Variants in MOXD1 observed in about 807,000 individuals in gnomAD.
The protein encoded by MOXD1 is DBH-like monooxygenase protein 1.
A neutral mutation model predicts 66.6 loss-of-function variants in MOXD1; 62 were observed. The ratio of observed to expected loss-of-function variants is 0.93; its 90% confidence interval spans 0.76 to 1.15. The LOEUF is 1.15. Among genes scored for constraint, MOXD1 ranks in the 50% most tolerant of loss-of-function variants. The pLI, the probability that MOXD1 is intolerant of heterozygous loss-of-function variation, is 0.00. For synonymous variants in MOXD1, 303 were observed against 281.9 expected (o/e 1.07, Z -0.75); for missense variants, 847 against 754.6 (o/e 1.12, Z -1.44).
intron 1 of MOXD1, among the ~76,000 whole-genome samples, chr6:132,386,457 C>G (rs200957234): frequency 7.5e-6 from 1 of 133,054 alleles, no homozygotes; most frequent in African/African-American, 3.0e-5. Flanking sequence ...AAAAAAAAAA[C>G]GGGAAAAGAG....
At chr6:132,314,003 T>C (rs911389560) in intron 10 of MOXD1, among the ~76,000 whole-genome samples, 1 of 152,222 alleles carries the variant, frequency 6.6e-6, no homozygotes, top group African/African-American at 2.4e-5. Context: ...TCATTTTGAA[T>C]AGTAGTGATC....
intron 4 of MOXD1, among the ~76,000 whole-genome samples, chr6:132,346,650 T>G (rs1775674274): frequency 6.6e-6 from 1 of 152,216 alleles, no homozygotes; most frequent in Admixed American, 6.5e-5. Flanking sequence ...TTATGATAAG[T>G]GGTCTCTAAG....
chr6:132,375,003 G>C, intron 1 of MOXD1: 1 of 573,912 alleles, frequency 1.7e-6, no homozygotes, highest in South Asian at 2.4e-5. Flanking sequence ...TAATATCGTA[G>C]AGCATCAAGA....
chr6:132,384,229 CCTCCCTCCCTCT>C (rs1776569597), intron 1 of MOXD1, among the ~76,000 whole-genome samples: 1 of 125,048 alleles, frequency 8.0e-6, no homozygotes, highest in Non-Finnish European at 1.7e-5. Context: ...CTCCTTCCTT[CCTCCCTCCCTCT>C]CTTCCTTCCT....
At position 132,315,774 on chromosome 6, in the gene MOXD1, C is replaced by T. The variant is rs978371892; in HGVS notation, c.1369G>A (p.Gly457Arg). Residue 457 changes from glycine to arginine, a missense_variant, in exon 10 of 12, where the codon GGA becomes AGA. By Grantham distance (125) the Gly-to-Arg change is moderately radical. Transcript: ENST00000367963. ...TKDRAEMTWGGLSTRSEMCLS... is the reference protein window; with the variant it reads ...TKDRAEMTWGRLSTRSEMCLS... ...CACATTTCACTCCTGGTGCTTAGTC[C>T]TCCCTGAAAACAGATAGTTTATTTA... The T allele has an allele frequency of 1.2e-6, 2 of 1,613,060 alleles. No homozygotes were observed. The highest frequency in any genetic ancestry group is 1.7e-6 in the Non-Finnish European group (2 of 1,179,474).
chr6:132,377,792 T>G (rs995938282), intron 1 of MOXD1, among the ~76,000 whole-genome samples: 1 of 152,152 alleles, frequency 6.6e-6, no homozygotes, highest in African/African-American at 2.4e-5. Flanking sequence ...GAAATAAAAT[T>G]TAAATATGAA....
intron 4 of MOXD1, among the ~76,000 whole-genome samples, chr6:132,340,210 A>T (rs1775523289): frequency 6.6e-6 from 1 of 151,826 alleles, no homozygotes; most frequent in African/African-American, 2.4e-5. Context: ...AATATCATGA[A>T]CCTCTAGGCT....
intron 1 of MOXD1, among the ~76,000 whole-genome samples, chr6:132,393,547 C>T (rs1033006874): frequency 6.6e-6 from 1 of 152,166 alleles, no homozygotes; most frequent in Non-Finnish European, 1.5e-5. Flanking sequence ...TTCTACAATG[C>T]TAGCCATAGG....
intron 4 of MOXD1, among the ~76,000 whole-genome samples, chr6:132,359,048 C>T (rs1396505367): frequency 1.3e-5 from 2 of 152,050 alleles, no homozygotes; most frequent in African/African-American, 4.8e-5. Context: ...AAGTCACTGG[C>T]TCTAGGGAAG....
chr6:132,361,390 T>C (rs1171863038), intron 4 of MOXD1, among the ~76,000 whole-genome samples: 1 of 152,054 alleles, frequency 6.6e-6, no homozygotes, highest in Admixed American at 6.6e-5. Context: ...TTAACTCTTC[T>C]TCATGTGCAT....
At chr6:132,339,681 C>G (rs1457347500) in intron 4 of MOXD1, among the ~76,000 whole-genome samples, 1 of 152,154 alleles carries the variant, frequency 6.6e-6, no homozygotes, top group Non-Finnish European at 1.5e-5. Flanking sequence ...TGAAATTGAT[C>G]CAATCACAAG....
chr6:132,346,439 G>A (rs1323967441), intron 4 of MOXD1, among the ~76,000 whole-genome samples: 1 of 151,878 alleles, frequency 6.6e-6, no homozygotes, highest in Non-Finnish European at 1.5e-5. Context: ...TTTTCTAGCA[G>A]CAGGGGAATA....
Position 132,372,611 on chromosome 6 carries a change from T to G in MOXD1, c.660A>C (p.Ile220=). ...AGCCTATGAATGAGTCACATACCTT[T>G]ATTACATGATGCTTTTCTTGGAACA... ...IPVFQEKHHV[I]KVEPVIQRGH... Residue 220 remains isoleucine (I), a synonymous_variant, in exon 4 of 12, where the codon ATA becomes ATC. Coordinates refer to ENST00000367963, the MANE Select transcript of MOXD1 (RefSeq NM_015529.4). The G allele has an allele frequency of 6.2e-7, 1 of 1,610,832 alleles. No individual in the cohort carries two copies. The highest frequency in any genetic ancestry group is 8.5e-7 in the Non-Finnish European group (1 of 1,177,008).
chr6:132,391,186 A>G (rs1776752574), intron 1 of MOXD1: 1 of 151,144 alleles, frequency 6.6e-6, no homozygotes. Context: ...TGAGCTCTTA[A>G]GAGGCAGCGA....
intron 4 of MOXD1, among the ~76,000 whole-genome samples, chr6:132,332,583 T>A (rs1322460429): frequency 6.6e-6 from 1 of 152,192 alleles, no homozygotes. Flanking sequence ...AGGATGGACA[T>A]AACTTGTTTA....
intron 1 of MOXD1, chr6:132,392,151 C>G: frequency 6.6e-7 from 1 of 1,515,496 alleles, no homozygotes; most frequent in Non-Finnish European, 8.8e-7. Flanking sequence ...TTAAAAGAAG[C>G]ACATCGTTAA....
chr6:132,387,610 C>T lies in MOXD1; in HGVS notation c.265-12833G>A, dbSNP rs533069858. ...CTCTACTAAAAATACAAAAATTAGC[C>T]GGGTATGGTGGTGCACGCCTGTAAT... On this transcript the variant is annotated intron_variant, in intron 1 of 11. Coordinates refer to ENST00000367963, the MANE Select transcript of MOXD1 (RefSeq NM_015529.4). Among the ~76,000 whole-genome samples the T allele has an allele frequency of 3.3e-5, 5 of 149,974 alleles. No individual in the cohort carries two copies. In the South Asian group the frequency reaches 8.7e-4, roughly 26 times the overall value.
chr6:132,376,537 G>T lies in MOXD1; in HGVS notation c.265-1760C>A, dbSNP rs1341732540. Among the ~76,000 whole-genome samples the T allele has an allele frequency of 2.5e-5, 2 of 80,004 alleles. 1 individual carries two copies. The highest frequency in any genetic ancestry group is 2.9e-4 in the African/African-American group (2 of 7,006). 52.5% of individuals were successfully genotyped at this position (80,004 alleles called of 152,430 possible). A position where few individuals can be genotyped will look rare whatever the true frequency, so the allele number is the denominator to read the frequency against. On this transcript the variant is annotated intron_variant, in intron 1 of 11. Transcript: ENST00000367963. Reference sequence around the variant, plus strand: ...TTTTTTTTTTTTTTTTTTTTGAGACGGAGTCTCGCTCTGTCGCCCAGGCTG... The same window carrying T: ...TTTTTTTTTTTTTTTTTTTTGAGACTGAGTCTCGCTCTGTCGCCCAGGCTG...
intron 4 of MOXD1, among the ~76,000 whole-genome samples, chr6:132,368,135 GC>G (rs1776183393): frequency 6.6e-6 from 1 of 152,050 alleles, no homozygotes; most frequent in Non-Finnish European, 1.5e-5. Context: ...AGCGTGTTAA[GC>G]CAATTCAATA....
Sources: gnomAD v4.1 joint callset for allele counts (sites outside exome capture counted in the v4.1 genomes callset) on GRCh38, gnomAD v4.1.1 for gene constraint, MANE v1.5 for transcripts, NCBI Gene and HGNC (gene_info 2026-07-23, HGNC 2026-07-21) for gene names.